SPATS2: variants seen among roughly 807,000 people sequenced by gnomAD.
The protein encoded by SPATS2 is spermatogenesis-associated serine-rich protein 2.
A neutral mutation model predicts 63.7 loss-of-function variants in SPATS2; 38 were observed. The ratio of observed to expected loss-of-function variants is 0.60; its 90% confidence interval spans 0.46 to 0.78. The LOEUF is 0.78. Among genes scored for constraint, SPATS2 ranks in the 30% least tolerant of loss-of-function variants. The pLI, the probability that SPATS2 is intolerant of heterozygous loss-of-function variation, is 0.00. For synonymous variants in SPATS2, 207 were observed against 232.9 expected (o/e 0.89, Z 1.01); for missense variants, 588 against 666.2 (o/e 0.88, Z 1.29).
intron 3 of SPATS2, among the ~76,000 whole-genome samples, chr12:49,471,613 C>T (rs1408941791): frequency 6.6e-6 from 1 of 152,164 alleles, no homozygotes. Context: ...ATTACAGGTG[C>T]AAGCCACTGT....
intron 10 of SPATS2, among the ~76,000 whole-genome samples, chr12:49,516,059 G>A (rs536945529): frequency 1.1e-4 from 16 of 141,864 alleles, no homozygotes; most frequent in African/African-American, 3.9e-4. Flanking sequence ...AGAATCACTT[G>A]AACCCAGGGG....
At chr12:49,384,801 C>G (rs1944282514) in intron 2 of SPATS2, among the ~76,000 whole-genome samples, 1 of 151,358 alleles carries the variant, frequency 6.6e-6, no homozygotes, top group South Asian at 2.1e-4. Context: ...TTGCTCATGC[C>G]AAAAATCTTT....
chr12:49,469,587 CT>C (rs1592430750), intron 3 of SPATS2: 1 of 388,630 alleles, frequency 2.6e-6, no homozygotes, highest in African/African-American at 2.3e-5. Context: ...TAAAATAAAA[CT>C]TTTCACAGCT....
chr12:49,419,044 C>T (rs1395649398), intron 2 of SPATS2, among the ~76,000 whole-genome samples: 7 of 152,176 alleles, frequency 4.6e-5, no homozygotes, highest in African/African-American at 1.4e-4. Flanking sequence ...TTCCCCTCCA[C>T]CTGACACATA....
intron 11 of SPATS2, among the ~76,000 whole-genome samples, chr12:49,520,891 G>A (rs1173194837): frequency 6.6e-6 from 1 of 151,644 alleles, no homozygotes; most frequent in Non-Finnish European, 1.5e-5. Flanking sequence ...GCTAATTTTT[G>A]TATTTTTAGT....
chr12:49,524,189 A>G (rs1028608752), intron 12 of SPATS2, among the ~76,000 whole-genome samples: 3 of 152,234 alleles, frequency 2.0e-5, no homozygotes, highest in African/African-American at 7.2e-5. Context: ...TTCTATTCAT[A>G]TTTAACTGAT....
intron 5 of SPATS2, 48 bp from the exon 6 acceptor site, chr12:49,490,634 A>G: frequency 1.9e-6 from 3 of 1,544,148 alleles, no homozygotes; most frequent in East Asian, 2.2e-5. Flanking sequence ...CTGCTTGACT[A>G]CTGTGTGTGT....
At chr12:49,375,822 T>G (rs1240657147) in intron 2 of SPATS2, among the ~76,000 whole-genome samples, 1 of 152,160 alleles carries the variant, frequency 6.6e-6, no homozygotes, top group Non-Finnish European at 1.5e-5. Flanking sequence ...AACTTCTTTT[T>G]TTTTGAGACA....
chr12:49,462,470 A>C (rs1160803145), intron 3 of SPATS2: 10 of 701,178 alleles, frequency 1.4e-5, no homozygotes, highest in Non-Finnish European at 2.6e-5. Context: ...GGACGGCTTA[A>C]GTGTTAACAG....
chr12:49,505,436 A>G (rs1946640726), intron 9 of SPATS2, among the ~76,000 whole-genome samples: 1 of 152,178 alleles, frequency 6.6e-6, no homozygotes, highest in Non-Finnish European at 1.5e-5. Flanking sequence ...TGAAATGCTT[A>G]GGACTAGAAA....
At chr12:49,503,241 T>C (rs1946596073) in intron 9 of SPATS2, among the ~76,000 whole-genome samples, 1 of 151,820 alleles carries the variant, frequency 6.6e-6, no homozygotes, top group Admixed American at 6.6e-5. Context: ...TCCCAGCTAC[T>C]AGGGAGGCTG....
At chr12:49,491,375 G>A (rs1946379711) in intron 6 of SPATS2, among the ~76,000 whole-genome samples, 1 of 151,954 alleles carries the variant, frequency 6.6e-6, no homozygotes, top group African/African-American at 2.4e-5. Flanking sequence ...ATTTTTGGTC[G>A]GGCAACTGGG....
chr12:49,458,999 A>C (rs77032261), intron 2 of SPATS2, among the ~76,000 whole-genome samples: 4,697 of 152,210 alleles, frequency 0.031, 100 homozygotes, highest in Middle Eastern at 0.099. Context: ...TGATAAATCT[A>C]AGTACTGGCA....
Position 49,461,042 on chromosome 12 carries a change from G to T in SPATS2, c.25+5G>T, listed in dbSNP as rs1176496065. On this transcript the variant is annotated splice_donor_5th_base_variant and intron_variant, in intron 3 of 13. Transcript: ENST00000552918. ...CCAGGAAACAGAACCAGAAGGGTAA[G>T]ATTACATGTGGGCATAAATTGTTAA... 6.2e-7 allele frequency: 1 copy of T among 1,613,712 alleles called. No individual in the cohort carries two copies. The highest frequency in any genetic ancestry group is 1.1e-5 in the South Asian group (1 of 90,940).
In SPATS2 at chr12:49,455,378, ATGAATG is replaced by A. The variant is rs1945701670; in HGVS notation, c.-243-5389_-243-5384del. Among the ~76,000 whole-genome samples the A allele has an allele frequency of 5.3e-5, 8 of 152,298 alleles. No individual in the cohort carries two copies. In the South Asian group the frequency reaches 1.7e-3, roughly 32 times the overall value. On this transcript the variant is annotated intron_variant, in intron 2 of 13. Coordinates refer to ENST00000552918, the MANE Select transcript of SPATS2 (RefSeq NM_023071.4). ...TTGGACCTTCTCCAATATCTGCATC[ATGAATG>A]TGTGGAACATTTACCAAGGTCTCCT...
chr12:49,430,727 ATCTC>A (rs1264617680), intron 2 of SPATS2, among the ~76,000 whole-genome samples: 2 of 151,748 alleles, frequency 1.3e-5, no homozygotes, highest in East Asian at 1.9e-4. Flanking sequence ...TTGAAATAGA[ATCTC>A]TCTCTGTCAC....
intron 2 of SPATS2, among the ~76,000 whole-genome samples, chr12:49,414,940 C>CTTTTT (rs1198243704): frequency 2.4e-5 from 3 of 126,864 alleles, no homozygotes; most frequent in African/African-American, 2.9e-5. Context: ...TTTTTCTTTT[C>CTTTTT]TTTTTTTTTT....
chr12:49,484,777 T>A (rs570739459), intron 4 of SPATS2, 108 bp downstream of exon 4: 1 of 911,866 alleles, frequency 1.1e-6, no homozygotes, highest in African/African-American at 1.7e-5. Flanking sequence ...ATTTTAAGAA[T>A]AAAACAATGC....
chr12:49,436,613 C>T (rs1320180962), intron 2 of SPATS2, among the ~76,000 whole-genome samples: 3 of 132,912 alleles, frequency 2.3e-5, no homozygotes, highest in East Asian at 2.4e-4. Context: ...GGGGCTGACC[C>T]CCCCACCTCC....
Sources: gnomAD v4.1 joint callset for allele counts (sites outside exome capture counted in the v4.1 genomes callset) on GRCh38, gnomAD v4.1.1 for gene constraint, MANE v1.5 for transcripts, NCBI Gene and HGNC (gene_info 2026-07-23, HGNC 2026-07-21) for gene names.